The following MEI4 variants were observed in gnomAD, a reference collection of about 807,000 sequenced individuals.
MEI4 encodes the protein meiotic double-stranded break formation protein 4, also known as meiosis-specific protein MEI4.
Under a neutral mutation model 31.4 loss-of-function variants are expected in MEI4, and 27 were observed. That is an observed-to-expected ratio of 0.86 (90% CI 0.63 to 1.19). The LOEUF (loss-of-function observed/expected upper bound fraction) is 1.19. Among genes scored for constraint, MEI4 ranks in the 50% most tolerant of loss-of-function variants. The pLI is 0.00. For synonymous variants in MEI4, 122 were observed against 145.4 expected, an observed-to-expected ratio of 0.84 and a Z score of 1.16; for missense variants, 329 against 398.9, an observed-to-expected ratio of 0.82 and a Z score of 1.49.
At chr6:77,897,594 G>T (rs1041039069) in intron 4 of MEI4, among the ~76,000 whole-genome samples, 1 of 151,810 alleles carries the variant, frequency 6.6e-6, no homozygotes, top group African/African-American at 2.4e-5. Flanking sequence ...CGAAAAAAGG[G>T]TAAAATGTCA....
intron 4 of MEI4, among the ~76,000 whole-genome samples, chr6:77,840,959 G>A (rs1770341986): frequency 6.6e-6 from 1 of 152,184 alleles, no homozygotes; most frequent in East Asian, 1.9e-4. Context: ...TCACATGTAG[G>A]AAAATTAACA....
At chr6:77,754,309 A>C (rs920088612) in intron 2 of MEI4, among the ~76,000 whole-genome samples, 21 of 152,142 alleles carry the variant, frequency 1.4e-4, no homozygotes, top group African/African-American at 4.8e-4. Flanking sequence ...GGCTCCAAAG[A>C]TCTCTACGGC....
chr6:77,836,406 T>A lies in MEI4; in HGVS notation c.900+7344T>A, dbSNP rs893212961. Among the ~76,000 whole-genome samples the A allele has an allele frequency of 4.6e-5, 7 of 152,252 alleles. No individual in the cohort carries two copies. In the South Asian group the frequency reaches 1.4e-3, roughly 32 times the overall value. On this transcript the variant is annotated intron_variant, in intron 4 of 4. Coordinates refer to ENST00000684080, the MANE Select transcript of MEI4 (RefSeq NM_001322247.2). ...TAATGTTTACAAAGTAGATTAAAAT[T>A]CTACATTAAAATAGATTTTAAAATT...
intron 2 of MEI4, among the ~76,000 whole-genome samples, chr6:77,748,378 A>T (rs920485269): frequency 6.6e-6 from 1 of 152,174 alleles, no homozygotes; most frequent in Non-Finnish European, 1.5e-5. Flanking sequence ...CAGGCCCAAC[A>T]CCATGTGGAA....
intron 3 of MEI4, among the ~76,000 whole-genome samples, chr6:77,827,032 C>T (rs947185080): frequency 1.3e-5 from 2 of 152,096 alleles, no homozygotes; most frequent in African/African-American, 4.8e-5. Flanking sequence ...AACCACTGGG[C>T]AACCAAGGTA....
chr6:77,759,106 C>A (rs1767984105), intron 2 of MEI4, among the ~76,000 whole-genome samples: 1 of 152,058 alleles, frequency 6.6e-6, no homozygotes, highest in Non-Finnish European at 1.5e-5. Flanking sequence ...TTAGCAATTC[C>A]AACAGACATT....
At chr6:77,803,317 C>T (rs937799080) in intron 3 of MEI4, among the ~76,000 whole-genome samples, 3 of 152,190 alleles carry the variant, frequency 2.0e-5, no homozygotes, top group Non-Finnish European at 2.9e-5. Context: ...TGGTTTTCAG[C>T]TCCATCAGGT....
intron 3 of MEI4, among the ~76,000 whole-genome samples, chr6:77,775,480 C>T (rs780271455): frequency 2.6e-5 from 4 of 152,132 alleles, no homozygotes; most frequent in African/African-American, 4.8e-5. Flanking sequence ...TAATGGTCTT[C>T]AATACCATCC....
At chr6:77,795,047 A>T (rs922997522) in intron 3 of MEI4, among the ~76,000 whole-genome samples, 18 of 152,206 alleles carry the variant, frequency 1.2e-4, no homozygotes, top group African/African-American at 3.9e-4. Flanking sequence ...AACACAACAT[A>T]GCCTAGCTTA....
At chr6:77,720,860 AT>A (rs1320763663) in intron 2 of MEI4, among the ~76,000 whole-genome samples, 5 of 46,196 alleles carry the variant, frequency 1.1e-4, no homozygotes, top group Middle Eastern at 0.012. Flanking sequence ...GTTTGTTGTA[AT>A]AAATTGAATA....
intron 3 of MEI4, among the ~76,000 whole-genome samples, chr6:77,790,265 G>A (rs954725990): frequency 3.4e-5 from 4 of 117,366 alleles, no homozygotes; most frequent in African/African-American, 9.2e-5. Context: ...GGTGGGGGGA[G>A]GGGGGAGGGA....
chr6:77,695,385 T>G (rs544512285), intron 2 of MEI4, among the ~76,000 whole-genome samples: 1 of 152,358 alleles, frequency 6.6e-6, no homozygotes, highest in East Asian at 1.9e-4. Context: ...TCTAGGGTTT[T>G]TATGGTATTA....
intron 1 of MEI4, among the ~76,000 whole-genome samples, chr6:77,664,762 GC>G (rs1768588406): frequency 6.6e-6 from 1 of 152,104 alleles, no homozygotes. Context: ...GTTAAAGAAT[GC>G]CTGGACATCA....
rs58946198 is a variant in MEI4 at position 77,868,502 on chromosome 6, C to CATATATATAT, written c.900+39457_900+39466dup. On this transcript the variant is annotated intron_variant, in intron 4 of 4. Coordinates refer to ENST00000684080, the MANE Select transcript of MEI4 (RefSeq NM_001322247.2). ...AAAAACTTCCATGTAAAAAATACTACATATATATATATATATATATATATA... is the reference window on the plus strand; with the variant it reads ...AAAAACTTCCATGTAAAAAATACTACATATATATATATATATATATATATATATATATATA... Among the ~76,000 whole-genome samples the CATATATATAT allele has an allele frequency of 7.4e-3, 666 of 90,004 alleles. 32 individuals carry two copies. Among genetic ancestry groups the CATATATATAT allele is most frequent in the Middle Eastern group, 0.017 (2 of 120 alleles). The allele number at this position is 90,004 out of a possible 152,430, so 59.0% of individuals were successfully genotyped here.
At position 77,856,198 on chromosome 6, in the gene MEI4, C is replaced by CCT. The variant is rs552488536; in HGVS notation, c.900+27136_900+27137insCT. 1.4e-3 allele frequency among the ~76,000 whole-genome samples: 212 copies of CCT among 152,228 alleles called. 1 individual carries two copies. The highest frequency in any genetic ancestry group is 4.5e-3 in the African/African-American group (186 of 41,536). The stretch of plus-strand genomic sequence containing the variant: ...GTGAACAAGCTCTAATGAACCGGCC[C>CCT]GTCTGCCTTTTCAGCCTCATCTCCC... On this transcript the variant is annotated intron_variant, in intron 4 of 4. Transcript: ENST00000684080.
intron 2 of MEI4, among the ~76,000 whole-genome samples, chr6:77,737,223 T>G (rs1372303739): frequency 2.6e-5 from 4 of 152,202 alleles, no homozygotes; most frequent in Admixed American, 6.5e-5. Flanking sequence ...AAGTTATTTA[T>G]TTAGGTTATC....
At chr6:77,760,464 T>C (rs761400366) in intron 2 of MEI4, among the ~76,000 whole-genome samples, 4 of 152,178 alleles carry the variant, frequency 2.6e-5, no homozygotes, top group Non-Finnish European at 5.9e-5. Flanking sequence ...TCTTTTATGA[T>C]CTGGCCTCTA....
rs537998946 is a variant in MEI4, at chr6:77,798,677, G to A, written c.769-30254G>A. Among the ~76,000 whole-genome samples the A allele has an allele frequency of 5.5e-3, 687 of 125,798 alleles. 4 individuals carry two copies. The Middle Eastern group carries it at 0.058, about 11-fold the overall frequency. The allele number at this position is 125,798 out of a possible 152,430, so 82.5% of individuals were successfully genotyped here. On this transcript the variant is annotated intron_variant, in intron 3 of 4. Coordinates refer to ENST00000684080, the MANE Select transcript of MEI4 (RefSeq NM_001322247.2). ...CCCACAACAGTCCCCAGAGTGTGAT[G>A]TTCCCCTTCCTGTGTCCATGTGTTC...
intron 2 of MEI4, among the ~76,000 whole-genome samples, chr6:77,741,881 G>C (rs1261885132): frequency 1.4e-5 from 2 of 147,796 alleles, no homozygotes; most frequent in Non-Finnish European, 3.0e-5. Flanking sequence ...TTGGTTTTTT[G>C]TCCTTGTGAC....
Sources: allele counts gnomAD v4.1 joint callset (sites outside exome capture counted in the v4.1 genomes callset), GRCh38; gene constraint gnomAD v4.1.1; transcripts MANE v1.5; gene names NCBI Gene and HGNC (gene_info 2026-07-23, HGNC 2026-07-21).